The following CDC42SE1 variants were observed in gnomAD, a reference collection of about 807,000 sequenced individuals.
CDC42SE1 encodes CDC42 small effector protein 1.
Under a neutral mutation model 10.9 loss-of-function variants are expected in CDC42SE1, and 10 were observed. The observed-to-expected ratio is 0.92, with a 90% CI of 0.57 to 1.56. The LOEUF (loss-of-function observed/expected upper bound fraction) is 1.56, where lower values mean the gene tolerates loss of function less well. Among genes scored for constraint, CDC42SE1 ranks in the 40% most tolerant of loss-of-function variants. The pLI is 0.00. For synonymous variants in CDC42SE1, 24 were observed against 32.0 expected (o/e 0.75, Z 0.85); for missense variants, 81 against 100.8 (o/e 0.80, Z 0.84).
chr1:151,056,325 C>A (rs936388714), intron 1 of CDC42SE1, among the ~76,000 whole-genome samples: 6 of 152,150 alleles, frequency 3.9e-5, no homozygotes, highest in African/African-American at 1.4e-4. Context: ...GCTCCAGCTC[C>A]CTTCTCTCTG....
Position 151,054,326 on chromosome 1 carries a change from A to G in CDC42SE1, c.166-5T>C. The G allele has an allele frequency of 1.2e-6, 2 of 1,610,300 alleles. No homozygotes were observed. Among genetic ancestry groups the G allele is most frequent in the Non-Finnish European group, 1.7e-6 (2 of 1,176,882 alleles). Reference sequence around the variant, plus strand: ...CTGCTCCTGAACTGCACCTGTCTGTAAAAAAACAGATGCGAGACACCTTCG... The same window carrying G: ...CTGCTCCTGAACTGCACCTGTCTGTGAAAAAACAGATGCGAGACACCTTCG... On this transcript the variant is annotated splice_polypyrimidine_tract_variant and splice_region_variant and intron_variant, in intron 3 of 4. Transcript: ENST00000357235.
Position 151,057,920 on chromosome 1 carries a change from AG to A in CDC42SE1, c.-264+1558del, listed in dbSNP as rs1360451973. The A allele has an allele frequency of 6.6e-6, 1 of 152,434 alleles. No individual in the cohort carries two copies. Among genetic ancestry groups the A allele is most frequent in the Non-Finnish European group, 1.5e-5 (1 of 68,126 alleles). 9.4% of individuals were successfully genotyped at this position (152,434 alleles called of 1,614,324 possible). On this transcript the variant is annotated intron_variant, in intron 1 of 4. Coordinates refer to ENST00000357235, the MANE Select transcript of CDC42SE1 (RefSeq NM_020239.4). The surrounding 1 kb of genome is among the most constrained non-coding windows in gnomAD (Gnocchi z 4.0). ...CTGTCCAGAGAGGGGAGCTGTGGTC[AG>A]TGGGACGTCAGTGAGTCAGTCATAG...
At chr1:151,055,255 C>T in intron 2 of CDC42SE1, 129 bp from the exon 3 acceptor site, 1 of 684,722 alleles carries the variant, frequency 1.5e-6, no homozygotes, top group Non-Finnish European at 2.6e-6. Context: ...GGCATTTTAA[C>T]AGGGAAATCA....
intron 2 of CDC42SE1, 82 bp from the exon 3 acceptor site, chr1:151,055,208 A>G: frequency 5.9e-6 from 6 of 1,024,180 alleles, no homozygotes; most frequent in Non-Finnish European, 9.2e-6. Flanking sequence ...CTTCAAAACC[A>G]CTGAAAAGCT....
chr1:151,054,325 T>TA lies in CDC42SE1; in HGVS notation c.166-5dup. The TA allele has an allele frequency of 1.2e-6, 2 of 1,610,174 alleles. No homozygotes were observed. Among genetic ancestry groups the TA allele is most frequent in the African/African-American group, 1.3e-5 (1 of 74,946 alleles). On this transcript the variant is annotated splice_region_variant and splice_polypyrimidine_tract_variant and intron_variant, in intron 3 of 4. Coordinates refer to ENST00000357235, the MANE Select transcript of CDC42SE1 (RefSeq NM_020239.4). ...TCTGCTCCTGAACTGCACCTGTCTG[T>TA]AAAAAAACAGATGCGAGACACCTTC... is the stretch of plus-strand genomic sequence containing the variant.
rs1676297408 is a variant in CDC42SE1 at position 151,057,341 on chromosome 1, G to GT, written c.-263-1349dup. Reference sequence around the variant, plus strand: ...GTTCCAGACCAGCCTGGCCAACATGGTGAAACCCCATCTCTGCTAAAAATA... The same window carrying GT: ...GTTCCAGACCAGCCTGGCCAACATGGTTGAAACCCCATCTCTGCTAAAAATA... On this transcript the variant is annotated intron_variant, in intron 1 of 4. Coordinates refer to ENST00000357235, the MANE Select transcript of CDC42SE1 (RefSeq NM_020239.4). The surrounding 1 kb of genome is among the most constrained non-coding windows in gnomAD (Gnocchi z 4.0). Among the ~76,000 whole-genome samples, 7 of 152,248 alleles carry GT rather than the reference G, an allele frequency of 4.6e-5. No individual in the cohort carries two copies. In the South Asian group the frequency reaches 1.5e-3, roughly 32 times the overall value.
At chr1:151,055,315 G>A in intron 2 of CDC42SE1, 189 bp from the exon 3 acceptor site, 2 of 604,522 alleles carry the variant, frequency 3.3e-6, no homozygotes, top group South Asian at 2.0e-5. Context: ...CAGAAGACAT[G>A]AACCAGAGTA....
In CDC42SE1 at chr1:151,057,333, C is replaced by T. The variant is rs587705570; in HGVS notation, c.-263-1340G>A. On this transcript the variant is annotated intron_variant, in intron 1 of 4. Coordinates refer to ENST00000357235, the MANE Select transcript of CDC42SE1 (RefSeq NM_020239.4). This position sits in a 1 kb window ranked among gnomAD's most constrained non-coding sequence, Gnocchi z 4.0. The stretch of plus-strand genomic sequence containing the variant: ...GGTCAGGAGTTCCAGACCAGCCTGG[C>T]CAACATGGTGAAACCCCATCTCTGC... Among the ~76,000 whole-genome samples the T allele has an allele frequency of 6.6e-6, 1 of 152,128 alleles. No homozygotes were observed. The highest frequency in any genetic ancestry group is 6.5e-5 in the Admixed American group (1 of 15,278).
At chr1:151,053,775 C>A (rs1676228315) in intron 4 of CDC42SE1, among the ~76,000 whole-genome samples, 1 of 152,066 alleles carries the variant, frequency 6.6e-6, no homozygotes, top group African/African-American at 2.4e-5. Context: ...AGCCACCATG[C>A]CCGGCCTAGA....
At position 151,057,438 on chromosome 1, in the gene CDC42SE1, G is replaced by A. The variant is rs1275950324; in HGVS notation, c.-263-1445C>T. ...CTTGGGAGGCTGAGGCAGGAGAATC[G>A]CTTGAACCGGAGATTGCAGTGAGCC... On this transcript the variant is annotated intron_variant, in intron 1 of 4. Transcript: ENST00000357235. This position sits in a 1 kb window ranked among gnomAD's most constrained non-coding sequence, Gnocchi z 4.0. Among the ~76,000 whole-genome samples the A allele has an allele frequency of 6.6e-6, 1 of 151,892 alleles. No homozygotes were observed. Among genetic ancestry groups the A allele is most frequent in the Non-Finnish European group, 1.5e-5 (1 of 67,954 alleles).
In CDC42SE1 at chr1:151,052,383, C is replaced by T. The variant is rs1206587124; in HGVS notation, c.*961G>A. ...TCCTAAACTCACAGATGATTGTTTT[C>T]AACCTATTTATCTCACCATCCTCAA... On this transcript the variant is annotated 3_prime_UTR_variant, in exon 5 of 5. Coordinates refer to ENST00000357235, the MANE Select transcript of CDC42SE1 (RefSeq NM_020239.4). 3.3e-5 allele frequency: 5 copies of T among 152,628 alleles called. No individual in the cohort carries two copies. The highest frequency in any genetic ancestry group is 1.2e-4 in the African/African-American group (5 of 41,446). 9.5% of individuals were successfully genotyped at this position (152,628 alleles called of 1,614,324 possible).
chr1:151,055,375 CA>C, intron 2 of CDC42SE1: 1 of 593,778 alleles, frequency 1.7e-6, no homozygotes, highest in Non-Finnish European at 3.0e-6. Context: ...AAGGACATGT[CA>C]AAGTCACCTC....
chr1:151,054,597 C>T (rs1676245995), intron 3 of CDC42SE1, among the ~76,000 whole-genome samples: 1 of 152,156 alleles, frequency 6.6e-6, no homozygotes, highest in Admixed American at 6.5e-5. Flanking sequence ...TATCTCTAGA[C>T]CCATTTCCCT....
At chr1:151,054,471 T>C in intron 3 of CDC42SE1, 150 bp from the exon 4 acceptor site, 1 of 674,526 alleles carries the variant, frequency 1.5e-6, no homozygotes, top group Non-Finnish European at 2.6e-6. Flanking sequence ...GGAGTCTCAA[T>C]GCCTCTTTTC....
intron 3 of CDC42SE1, 49 bp from the exon 4 acceptor site, chr1:151,054,370 A>C (rs200931207): frequency 6.3e-6 from 9 of 1,419,764 alleles, no homozygotes; most frequent in Non-Finnish European, 9.0e-6. Flanking sequence ...CATATCCTAC[A>C]GTAAGAACTC....
chr1:151,054,819 T>C (rs373425018), intron 3 of CDC42SE1, among the ~76,000 whole-genome samples, 197 bp downstream of exon 3: 2 of 152,128 alleles, frequency 1.3e-5, no homozygotes, highest in African/African-American at 2.4e-5. Context: ...ATCTGCTAAG[T>C]TGTAAAGATG....
In CDC42SE1 at chr1:151,055,146, A is replaced by T; in HGVS notation, c.55-20T>A. 1 of 1,584,734 alleles carries T rather than the reference A, an allele frequency of 6.3e-7. No individual in the cohort carries two copies. The highest frequency in any genetic ancestry group is 8.7e-7 in the Non-Finnish European group (1 of 1,153,876). On this transcript the variant is annotated intron_variant, in intron 2 of 4. Coordinates refer to ENST00000357235, the MANE Select transcript of CDC42SE1 (RefSeq NM_020239.4). The stretch of plus-strand genomic sequence containing the variant: ...CTTCTTCTGCTTGGAGAAGATAAGG[A>T]GTCATGTCTTAAGGCCCCTCCTCCA...
In CDC42SE1 at chr1:151,055,898, G is replaced by A. The variant is rs969330843; in HGVS notation, c.-168C>T. The A allele has an allele frequency of 1.6e-6, 1 of 643,274 alleles. No individual in the cohort carries two copies. The highest frequency in any genetic ancestry group is 2.3e-5 in the Admixed American group (1 of 42,642). 39.8% of individuals were successfully genotyped at this position (643,274 alleles called of 1,614,324 possible). ...AATCCCTGGAACCTTTAACTGAGCA[G>A]TGAAGGTCAGTGTCTCAGAGCCTGA... On this transcript the variant is annotated 5_prime_UTR_variant, in exon 2 of 5. Coordinates refer to ENST00000357235, the MANE Select transcript of CDC42SE1 (RefSeq NM_020239.4).
rs1305615791 is a variant in CDC42SE1 at position 151,053,287 on chromosome 1, T to G, written c.*57A>C. On this transcript the variant is annotated 3_prime_UTR_variant, in exon 5 of 5. Transcript: ENST00000357235. ...GGGATCTGGTAGGGGCAGCATTTCT[T>G]CTGGGCTGGAAACAGAATGGGGGTT... is the stretch of plus-strand genomic sequence containing the variant. 1 of 152,658 alleles carries G rather than the reference T, an allele frequency of 6.6e-6. No homozygotes were observed. The highest frequency in any genetic ancestry group is 2.4e-5 in the African/African-American group (1 of 41,454). 9.5% of individuals were successfully genotyped at this position (152,658 alleles called of 1,614,324 possible).
Sources: allele counts gnomAD v4.1 joint callset (sites outside exome capture counted in the v4.1 genomes callset), GRCh38; gene constraint gnomAD v4.1.1; non-coding constraint Gnocchi (gnomAD v3.1); transcripts MANE v1.5; gene names NCBI Gene and HGNC (gene_info 2026-07-23, HGNC 2026-07-21).